EVI5: variants seen among roughly 807,000 people sequenced by gnomAD.
EVI5 encodes the protein ecotropic viral integration site 5 protein homolog.
Under a neutral mutation model 112.0 loss-of-function variants are expected in EVI5, and 73 were observed. The observed-to-expected ratio is 0.65, with a 90% CI of 0.54 to 0.79. EVI5 has a LOEUF of 0.79. EVI5 is among the 30% of genes least tolerant of loss of function. The probability of loss-of-function intolerance (pLI) is 0.00; values close to 1 mark genes in which losing one functional copy is unlikely to be tolerated. For synonymous variants in EVI5, 305 were observed against 319.9 expected, an observed-to-expected ratio of 0.95 and a Z score of 0.50; for missense variants, 900 against 968.8, an observed-to-expected ratio of 0.93 and a Z score of 0.94.
At chr1:92,768,479 G>A (rs991132908) in intron 1 of EVI5, among the ~76,000 whole-genome samples, 2 of 152,184 alleles carry the variant, frequency 1.3e-5, no homozygotes, top group African/African-American at 2.4e-5. Flanking sequence ...GAAGACTTCC[G>A]TCAGAGCTTA....
chr1:92,727,944 T>C (rs527327090), intron 2 of EVI5, among the ~76,000 whole-genome samples: 1 of 150,680 alleles, frequency 6.6e-6, no homozygotes, highest in East Asian at 2.0e-4. Flanking sequence ...CAGTGAGCCA[T>C]GATCATACCA....
At chr1:92,544,116 G>A (rs1184424691) in intron 19 of EVI5, among the ~76,000 whole-genome samples, 4 of 152,210 alleles carry the variant, frequency 2.6e-5, no homozygotes, top group Non-Finnish European at 4.4e-5. Flanking sequence ...TAAATGTCCA[G>A]AATTGGGAAA....
intron 19 of EVI5, among the ~76,000 whole-genome samples, chr1:92,541,801 T>A (rs1261455995): frequency 6.6e-6 from 1 of 152,270 alleles, no homozygotes; most frequent in East Asian, 1.9e-4. Flanking sequence ...ATAAAAGTTA[T>A]CTTTACATTA....
intron 19 of EVI5, among the ~76,000 whole-genome samples, chr1:92,559,095 T>C (rs72964725): frequency 2.0e-3 from 303 of 152,328 alleles, no homozygotes; most frequent in African/African-American, 6.4e-3. Flanking sequence ...ACTTCCTGTA[T>C]ACTTCAAATC....
At chr1:92,758,759 G>A (rs1198981394) in intron 1 of EVI5, among the ~76,000 whole-genome samples, 1 of 151,810 alleles carries the variant, frequency 6.6e-6, no homozygotes, top group Non-Finnish European at 1.5e-5. Context: ...TAAATTTGGG[G>A]TCAGAGAGAG....
At position 92,784,821 on chromosome 1, in the gene EVI5, C is replaced by T; in HGVS notation, c.-82+15G>A. 1.0e-6 allele frequency: 1 copy of T among 985,534 alleles called. No individual in the cohort carries two copies. Among genetic ancestry groups the T allele is most frequent in the Non-Finnish European group, 1.2e-6 (1 of 830,238 alleles). 61.0% of individuals were successfully genotyped at this position (985,534 alleles called of 1,614,324 possible). ...CGGCCTCCCGGCCCGCCCGGCCTGG[C>T]GCAGCGCCCCTCACCTTGGAAACGT... On this transcript the variant is annotated intron_variant, in intron 1 of 19. Transcript: ENST00000684568.
chr1:92,574,144 C>T (rs780888041), intron 18 of EVI5, among the ~76,000 whole-genome samples: 4 of 152,038 alleles, frequency 2.6e-5, no homozygotes, highest in South Asian at 2.1e-4. Context: ...TAACGACCTA[C>T]GCACACACAT....
rs375917831 is a variant in EVI5, at chr1:92,638,183, T to A, written c.1393-1847A>T. ...AAAACATCAAACTCAAAGGCCCATA[T>A]GAGAATGGAATTCTTGATTGGCATA... On this transcript the variant is annotated intron_variant, in intron 13 of 19. Transcript: ENST00000684568. Among the ~76,000 whole-genome samples the A allele has an allele frequency of 3.7e-4, 57 of 152,264 alleles. No individual in the cohort carries two copies. In the South Asian group the frequency reaches 0.01, roughly 28 times the overall value.
chr1:92,534,542 T>G (rs1663487264), intron 19 of EVI5, among the ~76,000 whole-genome samples: 1 of 152,156 alleles, frequency 6.6e-6, no homozygotes, highest in Non-Finnish European at 1.5e-5. Context: ...ACTACAAGGC[T>G]ACAGTAACCA....
chr1:92,783,666 G>A (rs1468631940), intron 1 of EVI5, among the ~76,000 whole-genome samples: 2 of 151,448 alleles, frequency 1.3e-5, no homozygotes, highest in African/African-American at 2.4e-5. Flanking sequence ...ACAAAAATTA[G>A]CTGGGAGTGG....
chr1:92,541,571 A>G (rs1664805796), intron 19 of EVI5, among the ~76,000 whole-genome samples: 1 of 152,238 alleles, frequency 6.6e-6, no homozygotes, highest in Non-Finnish European at 1.5e-5. Context: ...TCAAATAGTT[A>G]AACATACAGT....
At chr1:92,600,400 ACTT>A (rs1648880782) in intron 18 of EVI5, among the ~76,000 whole-genome samples, 2 of 1,288 alleles carry the variant, frequency 1.6e-3, no homozygotes, top group Middle Eastern at 0.17. Context: ...ATACAATGTA[ACTT>A]TGTTTTATTA....
chr1:92,757,828 G>A (rs2102968653), intron 1 of EVI5, among the ~76,000 whole-genome samples: 1 of 150,162 alleles, frequency 6.7e-6, no homozygotes, highest in Admixed American at 6.7e-5. Context: ...CTTGAACCCG[G>A]GAGGCAGAGG....
intron 19 of EVI5, among the ~76,000 whole-genome samples, chr1:92,552,287 A>T (rs1667067342): frequency 6.6e-6 from 1 of 152,198 alleles, no homozygotes; most frequent in Non-Finnish European, 1.5e-5. Flanking sequence ...GAATAAGATA[A>T]TCTTTGCTGT....
intron 18 of EVI5, among the ~76,000 whole-genome samples, chr1:92,568,482 C>A (rs1669835642): frequency 1.3e-5 from 2 of 152,096 alleles, no homozygotes; most frequent in Admixed American, 6.5e-5. Flanking sequence ...CACTTATGAG[C>A]CCTTCTCATT....
chr1:92,643,180 T>C (rs1410787469), intron 13 of EVI5, among the ~76,000 whole-genome samples: 1 of 152,116 alleles, frequency 6.6e-6, no homozygotes, highest in African/African-American at 2.4e-5. Flanking sequence ...ATATGGAGCA[T>C]GTAAAATACT....
chr1:92,552,765 A>T (rs1044124586), intron 19 of EVI5, among the ~76,000 whole-genome samples: 1 of 152,180 alleles, frequency 6.6e-6, no homozygotes, highest in Non-Finnish European at 1.5e-5. Context: ...CTTAGTTAAT[A>T]TTCCTAAGAG....
chr1:92,509,111 G>C lies in EVI5; in HGVS notation c.*4545C>G, dbSNP rs201860924. On this transcript the variant is annotated 3_prime_UTR_variant, in exon 20 of 20. Coordinates refer to ENST00000684568, the MANE Select transcript of EVI5 (RefSeq NM_001350197.2). ...ATGTTAATATACATTAATCAAGCTGGTCATGAAACAGTTTTACCAAAATAT... is the reference window on the plus strand; with the variant it reads ...ATGTTAATATACATTAATCAAGCTGCTCATGAAACAGTTTTACCAAAATAT... The C allele has an allele frequency of 3.3e-5, 5 of 152,326 alleles. No homozygotes were observed. In the South Asian group the frequency reaches 1.0e-3, roughly 32 times the overall value. 9.4% of individuals were successfully genotyped at this position (152,326 alleles called of 1,614,324 possible). A position where few individuals can be genotyped will look rare whatever the true frequency, so the allele number is the denominator to read the frequency against.
chr1:92,787,229 G>T (rs1219363936), upstream of EVI5, among the ~76,000 whole-genome samples: 2 of 152,276 alleles, frequency 1.3e-5, no homozygotes, highest in East Asian at 3.9e-4. Context: ...GTCAGAGAAA[G>T]GTAAAATGTC....
Sources: allele counts gnomAD v4.1 joint callset (sites outside exome capture counted in the v4.1 genomes callset), GRCh38; gene constraint gnomAD v4.1.1; transcripts MANE v1.5; gene names NCBI Gene and HGNC (gene_info 2026-07-23, HGNC 2026-07-21).